ANO10: variants seen among roughly 807,000 people sequenced by gnomAD.
ANO10 encodes anoctamin 10.
ANO10 carries 77 observed loss-of-function variants against 74.7 expected under a neutral mutation model. The observed-to-expected ratio is 1.03, with a 90% CI of 0.86 to 1.25. The LOEUF is 1.25. Ranked by LOEUF, ANO10 falls within the 50% of genes most tolerant of loss-of-function variation. ANO10 has a pLI of 0.00. For missense variants in ANO10, 721 were observed against 778.1 expected, an observed-to-expected ratio of 0.93 and a Z score of 0.87; for synonymous variants, 279 against 284.9, an observed-to-expected ratio of 0.98 and a Z score of 0.21.
intron 12 of ANO10, 66 bp downstream of exon 12, chr3:43,432,545 C>T (rs922828232): frequency 7.5e-7 from 1 of 1,327,768 alleles, no homozygotes; most frequent in African/African-American, 1.4e-5. Flanking sequence ...GAGACTGATT[C>T]TTCTGAATTA....
rs375816263 is a variant in ANO10, at chr3:43,636,734, G to T, written c.-11-30871C>A. ...TCATATATTTTTGTGTTTAATAGACGTTCTTTGTTAAATGTGGATGTTGAA... is the reference window on the plus strand; with the variant it reads ...TCATATATTTTTGTGTTTAATAGACTTTCTTTGTTAAATGTGGATGTTGAA... On this transcript the variant is annotated intron_variant, in intron 1 of 3. Coordinates refer to the ANO10 transcript ENST00000413397. 1.1e-3 allele frequency among the ~76,000 whole-genome samples: 169 copies of T among 152,228 alleles called. 2 individuals carry two copies. In the South Asian group the frequency reaches 0.035, roughly 31 times the overall value.
At chr3:43,552,158 T>C (rs144693097) in intron 10 of ANO10, among the ~76,000 whole-genome samples, 24 of 152,342 alleles carry the variant, frequency 1.6e-4, no homozygotes, top group Admixed American at 5.2e-4. Flanking sequence ...ACTTGTGTCA[T>C]CTTTTATCAG....
At chr3:43,430,398 C>A (rs1024684946) in intron 12 of ANO10, among the ~76,000 whole-genome samples, 34 of 151,286 alleles carry the variant, frequency 2.2e-4, no homozygotes, top group African/African-American at 7.3e-4. Context: ...TTTTAATAGA[C>A]TTCTTATGGT....
At chr3:43,492,320 C>T (rs1195227905) in intron 11 of ANO10, among the ~76,000 whole-genome samples, 1 of 152,178 alleles carries the variant, frequency 6.6e-6, no homozygotes, top group East Asian at 1.9e-4. Flanking sequence ...AACGTAAGAC[C>T]TAGGACCAGA....
At chr3:43,383,741 A>C (rs754178457) in intron 12 of ANO10, among the ~76,000 whole-genome samples, 1 of 152,196 alleles carries the variant, frequency 6.6e-6, no homozygotes, top group Non-Finnish European at 1.5e-5. Flanking sequence ...TTATTATTAA[A>C]ACCCTCAGCA....
rs1375253781 is a variant in ANO10, at chr3:43,485,085, G to C, written c.1798-52358C>G. On this transcript the variant is annotated intron_variant, in intron 11 of 12. Coordinates refer to ENST00000292246, the MANE Select transcript of ANO10 (RefSeq NM_018075.5). ...GAGTCGTGGAACTGCTTGACAGCCG[G>C]CCGGCGGCACTTGCTGGCTGCGATC... 1.0e-5 allele frequency: 12 copies of C among 1,161,550 alleles called. No homozygotes were observed. The East Asian group carries it at 2.9e-4, about 28-fold the overall frequency. The allele number at this position is 1,161,550 out of a possible 1,614,324, so 72.0% of individuals were successfully genotyped here.
At chr3:43,478,842 T>C (rs775608320) in intron 11 of ANO10, among the ~76,000 whole-genome samples, 2 of 152,228 alleles carry the variant, frequency 1.3e-5, no homozygotes, top group Non-Finnish European at 2.9e-5. Context: ...AAGTCTGATA[T>C]ATCCTTAGAC....
intron 1 of ANO10, 23 bp from the exon 2 acceptor site, chr3:43,605,886 G>A: frequency 6.2e-7 from 1 of 1,609,936 alleles, no homozygotes; most frequent in East Asian, 2.2e-5. Context: ...AAAATAAAGA[G>A]TGAAAATGGG....
intron 11 of ANO10, among the ~76,000 whole-genome samples, chr3:43,467,583 C>T (rs1456366846): frequency 2.0e-5 from 3 of 152,180 alleles, no homozygotes; most frequent in African/African-American, 7.2e-5. Flanking sequence ...ACAGCCTGTG[C>T]TGGGGAGTAG....
At chr3:43,684,458 T>C (rs980646219) in intron 1 of ANO10, among the ~76,000 whole-genome samples, 3 of 152,272 alleles carry the variant, frequency 2.0e-5, no homozygotes, top group South Asian at 4.1e-4. Flanking sequence ...TGTGGAGAAA[T>C]AGGAACACTT....
chr3:43,641,292 G>C (rs1280762040), intron 1 of ANO10, among the ~76,000 whole-genome samples: 2 of 152,012 alleles, frequency 1.3e-5, no homozygotes, highest in African/African-American at 4.8e-5. Context: ...TTTCTTTCTT[G>C]TTACCCCTGT....
chr3:43,519,917 G>C (rs956441166), intron 11 of ANO10, among the ~76,000 whole-genome samples: 1 of 152,132 alleles, frequency 6.6e-6, no homozygotes, highest in African/African-American at 2.4e-5. Context: ...ATGAGGGAGA[G>C]CTAATACAGG....
intron 11 of ANO10, among the ~76,000 whole-genome samples, chr3:43,532,046 A>C (rs918484125): frequency 6.6e-6 from 1 of 152,226 alleles, no homozygotes; most frequent in Non-Finnish European, 1.5e-5. Flanking sequence ...TTCATCTGCC[A>C]GCCCTATGTA....
chr3:43,626,502 T>C (rs1255076858), upstream of ANO10, among the ~76,000 whole-genome samples: 1 of 151,880 alleles, frequency 6.6e-6, no homozygotes, highest in Non-Finnish European at 1.5e-5. Context: ...TGTTTCACCA[T>C]GTTGGCCAGG....
chr3:43,462,930 G>A (rs2075447015), intron 11 of ANO10, among the ~76,000 whole-genome samples: 2 of 152,224 alleles, frequency 1.3e-5, no homozygotes, highest in African/African-American at 4.8e-5. Context: ...CTTCCACGTG[G>A]TGTTGAGGCT....
At chr3:43,447,354 A>G (rs927557022) in intron 11 of ANO10, among the ~76,000 whole-genome samples, 2 of 152,218 alleles carry the variant, frequency 1.3e-5, no homozygotes, top group Admixed American at 1.3e-4. Flanking sequence ...GGTCCTCCAC[A>G]GCCTTGTCGA....
intron 4 of ANO10, among the ~76,000 whole-genome samples, chr3:43,582,324 C>T (rs532515896): frequency 2.0e-5 from 3 of 151,818 alleles, no homozygotes; most frequent in Non-Finnish European, 4.4e-5. Context: ...TGGTGGCGGG[C>T]GCCTGTAGTC....
At chr3:43,450,515 T>C (rs2074814979) in intron 11 of ANO10, among the ~76,000 whole-genome samples, 3 of 152,186 alleles carry the variant, frequency 2.0e-5, no homozygotes, top group African/African-American at 7.2e-5. Context: ...CACTCCAGCC[T>C]GGACAACAAG....
intron 1 of ANO10, among the ~76,000 whole-genome samples, chr3:43,667,735 C>T (rs1666073106): frequency 6.6e-6 from 1 of 152,142 alleles, no homozygotes; most frequent in Non-Finnish European, 1.5e-5. Context: ...AAATTATGGC[C>T]TCCAGCTCTA....
Sources: gnomAD v4.1 joint callset for allele counts (sites outside exome capture counted in the v4.1 genomes callset) on GRCh38, gnomAD v4.1.1 for gene constraint, MANE v1.5 for transcripts, NCBI Gene and HGNC (gene_info 2026-07-23, HGNC 2026-07-21) for gene names.